Variants in GSTCD observed in about 807,000 individuals in gnomAD.
GSTCD encodes glutathione S-transferase C-terminal domain containing.
Under a neutral mutation model 68.3 loss-of-function variants are expected in GSTCD, and 44 were observed. The ratio of observed to expected loss-of-function variants is 0.64; its 90% CI spans 0.51 to 0.83. The LOEUF (loss-of-function observed/expected upper bound fraction) is 0.83, where lower values mean the gene tolerates loss of function less well. Among genes scored for constraint, GSTCD ranks in the 40% least tolerant of loss-of-function variants. The probability of loss-of-function intolerance (pLI) is 0.00; values close to 1 mark genes in which losing one functional copy is unlikely to be tolerated. For missense variants in GSTCD, 739 were observed against 735.9 expected (o/e 1.00, Z -0.05); for synonymous variants, 273 against 255.2 (o/e 1.07, Z -0.67).
chr4:105,750,779 A>G (rs992060229), intron 5 of GSTCD, among the ~76,000 whole-genome samples: 3 of 152,214 alleles, frequency 2.0e-5, no homozygotes, highest in Non-Finnish European at 2.9e-5. Context: ...ATTCTGGTAT[A>G]TATGTGCAAT....
chr4:105,748,784 A>G (rs1007237181), intron 5 of GSTCD, among the ~76,000 whole-genome samples: 1 of 132,128 alleles, frequency 7.6e-6, no homozygotes, highest in African/African-American at 2.4e-5. Flanking sequence ...AACATGTGTT[A>G]AATTTATTTC....
At chr4:105,764,710 T>C (rs1734540611) in intron 5 of GSTCD, among the ~76,000 whole-genome samples, 1 of 152,164 alleles carries the variant, frequency 6.6e-6, no homozygotes. Flanking sequence ...TCCGTAAAGG[T>C]CCTGTCTTCA....
At chr4:105,785,364 A>G (rs1735426119) in intron 5 of GSTCD, among the ~76,000 whole-genome samples, 1 of 152,148 alleles carries the variant, frequency 6.6e-6, no homozygotes. Context: ...AAAAAAAATC[A>G]TACACCATAA....
intron 3 of GSTCD, among the ~76,000 whole-genome samples, chr4:105,724,300 G>A (rs1189228616): frequency 6.6e-6 from 1 of 151,622 alleles, no homozygotes; most frequent in East Asian, 1.9e-4. Flanking sequence ...TAGGGAGAAA[G>A]CATCTGACCA....
intron 5 of GSTCD, among the ~76,000 whole-genome samples, chr4:105,808,945 G>A (rs953841756): frequency 6.6e-6 from 1 of 152,020 alleles, no homozygotes; most frequent in African/African-American, 2.4e-5. Context: ...CAGTGCTTGA[G>A]TCCAAATTTT....
At chr4:105,822,739 A>C (rs1468034413) in intron 5 of GSTCD, among the ~76,000 whole-genome samples, 3 of 152,106 alleles carry the variant, frequency 2.0e-5, no homozygotes, top group African/African-American at 7.2e-5. Context: ...ATAAAAGTAA[A>C]ACAAGCAAAA....
chr4:105,812,972 G>A (rs1410913512), intron 5 of GSTCD, among the ~76,000 whole-genome samples: 2 of 152,044 alleles, frequency 1.3e-5, no homozygotes, highest in Non-Finnish European at 2.9e-5. Context: ...TTAGTACTAT[G>A]TATATTTGGG....
intron 5 of GSTCD, chr4:105,761,331 A>T (rs1243932845): frequency 1.9e-5 from 3 of 158,898 alleles, no homozygotes; most frequent in Non-Finnish European, 4.1e-5. Flanking sequence ...AATTTTCTAA[A>T]AACAGCTTTT....
At chr4:105,819,380 A>G (rs1020701013) in intron 5 of GSTCD, among the ~76,000 whole-genome samples, 3 of 151,792 alleles carry the variant, frequency 2.0e-5, no homozygotes, top group Admixed American at 6.6e-5. Context: ...TTTATCTTCA[A>G]TGCACATACT....
chr4:105,812,310 G>A (rs1488172398), intron 5 of GSTCD, among the ~76,000 whole-genome samples: 3 of 152,098 alleles, frequency 2.0e-5, no homozygotes, highest in African/African-American at 7.2e-5. Context: ...TGGTCGGTTG[G>A]TTTTGCGTAT....
intron 5 of GSTCD, among the ~76,000 whole-genome samples, chr4:105,730,824 A>G (rs912166682): frequency 5.3e-5 from 8 of 152,198 alleles, no homozygotes; most frequent in Non-Finnish European, 8.8e-5. Context: ...GCCCATGCCT[A>G]TGTCCTGAAT....
At chr4:105,844,656 T>A (rs10050333) in intron 11 of GSTCD, among the ~76,000 whole-genome samples, 16,634 of 152,198 alleles carry the variant, frequency 0.11, 1,405 homozygotes, top group African/African-American at 0.22. Context: ...TTCCAGGGGG[T>A]TGAAGAAGCT....
intron 6 of GSTCD, 76 bp from the exon 7 acceptor site, chr4:105,823,155 G>A (rs1333749131): frequency 1.3e-6 from 2 of 1,581,230 alleles, no homozygotes; most frequent in Non-Finnish European, 8.7e-7. Context: ...GTTTTTATTT[G>A]GCAAGATTGT....
chr4:105,845,334 G>A, intron 11 of GSTCD, 107 bp from the exon 12 acceptor site: 1 of 1,148,364 alleles, frequency 8.7e-7, no homozygotes, highest in Admixed American at 1.9e-5. Flanking sequence ...TACAAAGCAT[G>A]CTCCATAGTA....
intron 7 of GSTCD, 149 bp from the exon 8 acceptor site, chr4:105,825,523 C>G (rs1331781500): frequency 4.4e-6 from 2 of 456,750 alleles, no homozygotes; most frequent in East Asian, 7.1e-5. Context: ...CCTTTCTGTA[C>G]CAGATTATGT....
At chr4:105,832,851 G>A (rs1251659568) in intron 8 of GSTCD, among the ~76,000 whole-genome samples, 1 of 152,170 alleles carries the variant, frequency 6.6e-6, no homozygotes, top group African/African-American at 2.4e-5. Flanking sequence ...ATGAAAATAA[G>A]GATTAGCCTG....
intron 3 of GSTCD, among the ~76,000 whole-genome samples, chr4:105,725,510 GTTTTGGGT>G (rs1733002229): frequency 6.6e-6 from 1 of 152,080 alleles, no homozygotes; most frequent in Non-Finnish European, 1.5e-5. Flanking sequence ...AGTTGTCAGT[GTTTTGGGT>G]TTTTGCCATT....
At chr4:105,724,319 C>T (rs1041613639) in intron 3 of GSTCD, among the ~76,000 whole-genome samples, 1 of 151,200 alleles carries the variant, frequency 6.6e-6, no homozygotes, top group Non-Finnish European at 1.5e-5. Flanking sequence ...CAAGAGAAAA[C>T]AAAAATATAT....
chr4:105,797,271 A>G (rs1735932077), intron 5 of GSTCD, among the ~76,000 whole-genome samples: 1 of 151,778 alleles, frequency 6.6e-6, no homozygotes, highest in Admixed American at 6.6e-5. Flanking sequence ...ACTTGTAAAT[A>G]AATAATTGGA....
Sources: gnomAD v4.1 joint callset for allele counts (sites outside exome capture counted in the v4.1 genomes callset) on GRCh38, gnomAD v4.1.1 for gene constraint, MANE v1.5 for transcripts, NCBI Gene and HGNC (gene_info 2026-07-23, HGNC 2026-07-21) for gene names.